ZNF507: variants seen among roughly 807,000 people sequenced by gnomAD.
The protein encoded by ZNF507 is zinc finger protein 507.
Under a neutral mutation model 80.0 loss-of-function variants are expected in ZNF507, and 29 were observed. The ratio of observed to expected loss-of-function variants is 0.36; its 90% CI spans 0.27 to 0.49. The LOEUF is 0.49. Ranked by LOEUF, ZNF507 falls within the 20% of genes least tolerant of loss-of-function variation. The probability of loss-of-function intolerance (pLI) is 0.98; values close to 1 mark genes in which losing one functional copy is unlikely to be tolerated. For missense variants in ZNF507, 1,081 were observed against 1,152.2 expected, an observed-to-expected ratio of 0.94 and a Z score of 0.90; for synonymous variants, 462 against 422.5, an observed-to-expected ratio of 1.09 and a Z score of -1.15.
At chr19:32,380,960 T>C (rs1427397284) in intron 5 of ZNF507, among the ~76,000 whole-genome samples, 1 of 152,130 alleles carries the variant, frequency 6.6e-6, no homozygotes, top group Admixed American at 6.5e-5. Context: ...TGCACATGAA[T>C]GTTCCTATCA....
chr19:32,357,071 A>C (rs1351334793), intron 4 of ZNF507: 2 of 209,702 alleles, frequency 9.5e-6, no homozygotes, highest in Non-Finnish European at 1.9e-5. Context: ...TCTCGGCACC[A>C]GTTGACCTAC....
At chr19:32,359,886 C>G (rs1408100756) in intron 4 of ZNF507, 2 of 150,992 alleles carry the variant, frequency 1.3e-5, no homozygotes, top group African/African-American at 4.9e-5. Context: ...AGGCCTTAGG[C>G]TTTTTTTTTG....
rs1967214934 is a variant in ZNF507 at position 32,354,162 on chromosome 19, T to A, written c.1332T>A (p.Ala444=). ...AAGGAATGGATGATGTTTATCGTGC[T>A]GATAAATGTACTGTTGATATTGGGG... The part of the protein sequence containing the change: ...GREGMDDVYR[A]DKCTVDIGGL... Residue 444 remains alanine (A), a synonymous_variant, in exon 3 of 7, where the codon GCT becomes GCA. Transcript: ENST00000355898. 7 of 1,613,266 alleles carry A rather than the reference T, an allele frequency of 4.3e-6. No individual in the cohort carries two copies. Among genetic ancestry groups the A allele is most frequent in the Non-Finnish European group, 3.4e-6 (4 of 1,180,034 alleles).
chr19:32,353,929 G>A lies in ZNF507; in HGVS notation c.1099G>A (p.Asp367Asn), dbSNP rs1462999941. 5 of 1,614,026 alleles carry A rather than the reference G, an allele frequency of 3.1e-6. No individual in the cohort carries two copies. The African/African-American group carries it at 5.3e-5, about 17-fold the overall frequency. ...GGAAGAAATGCTAGAAGTGATTTCTGATGCAGAGGAGAATCTGATTCCTGA... is the reference window on the plus strand; with the variant it reads ...GGAAGAAATGCTAGAAGTGATTTCTAATGCAGAGGAGAATCTGATTCCTGA... ...NEEEMLEVIS[D>N]AEENLIPDSL... Residue 367 changes from aspartate (D) to asparagine (N), a missense_variant, in exon 3 of 7, where the codon GAT becomes AAT. By Grantham distance (23) the Asp-to-Asn change is conservative. Coordinates refer to ENST00000355898, the MANE Select transcript of ZNF507 (RefSeq NM_001136156.2).
chr19:32,355,266 G>A (rs778946304), intron 3 of ZNF507, among the ~76,000 whole-genome samples: 5 of 152,090 alleles, frequency 3.3e-5, no homozygotes, highest in East Asian at 1.9e-4. Flanking sequence ...ATTGACATAC[G>A]TTTGACTTAA....
intron 4 of ZNF507, chr19:32,359,047 G>C (rs1286862190): frequency 6.6e-6 from 1 of 152,142 alleles, no homozygotes; most frequent in Admixed American, 6.5e-5. Context: ...AGTTTTATTA[G>C]TTGTCATTGA....
At chr19:32,350,950 A>C (rs906788962) in intron 2 of ZNF507, among the ~76,000 whole-genome samples, 1 of 152,252 alleles carries the variant, frequency 6.6e-6, no homozygotes, top group Non-Finnish European at 1.5e-5. Context: ...AAAGTGACTT[A>C]GGAAGTCACA....
Position 32,354,000 on chromosome 19 carries a change from T to G in ZNF507, c.1170T>G (p.Asn390Lys). ...AGAAAATCATCAGCAGCAGCCCCAA[T>G]AAAAAAGGGCATGTTAACGTGATAG... ...SAQKIISSSP[N>K]KKGHVNVIVE... is the part of the protein sequence containing the mutation. Residue 390 changes from asparagine (N) to lysine (K), a missense_variant, in exon 3 of 7, where the codon AAT (asparagine) becomes AAG (lysine). This residue lies in a region of ZNF507 where 614 missense variants were observed against 583.9 expected (regional missense o/e 1.05). Coordinates refer to ENST00000355898, the MANE Select transcript of ZNF507 (RefSeq NM_001136156.2). 6.2e-7 allele frequency: 1 copy of G among 1,613,948 alleles called. No homozygotes were observed. Among genetic ancestry groups the G allele is most frequent in the Non-Finnish European group, 8.5e-7 (1 of 1,179,980 alleles).
At position 32,353,543 on chromosome 19, in the gene ZNF507, A is replaced by G. The variant is rs1288881480; in HGVS notation, c.713A>G (p.Lys238Arg). The G allele has an allele frequency of 6.2e-7, 1 of 1,614,076 alleles. No homozygotes were observed. Among genetic ancestry groups the G allele is most frequent in the Non-Finnish European group, 8.5e-7 (1 of 1,180,042 alleles). Residue 238 changes from lysine (K) to arginine (R), a missense_variant, in exon 3 of 7, where the codon AAA becomes AGA. By Grantham distance (26) the Lys-to-Arg change is conservative. Transcript: ENST00000355898. ...TASVAEMGRR[K>R]WYAYEQYGMY... ...TCTGTGGCAGAAATGGGTAGGAGGA[A>G]ATGGTATGCATACGAACAGTACGGC...
At position 32,352,887 on chromosome 19, in the gene ZNF507, T is replaced by A; in HGVS notation, c.57T>A (p.Ala19=). ...MLVPDIGEQE[A]ILTAESIISP... is the part of the protein sequence containing the mutation. ...TGCCAGATATTGGGGAACAGGAAGCTATACTGACTGCTGAAAGTATCATCA... is the reference window on the plus strand; with the variant it reads ...TGCCAGATATTGGGGAACAGGAAGCAATACTGACTGCTGAAAGTATCATCA... The change falls in exon 3 of 7, where the codon GCT becomes GCA. Residue 19 remains alanine (A), a synonymous_variant. Transcript: ENST00000355898. 6.2e-7 allele frequency: 1 copy of A among 1,611,046 alleles called. No individual in the cohort carries two copies. The highest frequency in any genetic ancestry group is 2.2e-5 in the East Asian group (1 of 44,880).
At chr19:32,374,169 A>AACACACACACACACACACACACACACAC (rs56820529) in intron 5 of ZNF507, among the ~76,000 whole-genome samples, 9 of 149,786 alleles carry the variant, frequency 6.0e-5, no homozygotes, top group African/African-American at 2.2e-4. Context: ...CAAAGCAAGG[A>AACACACACACACACACACACACACACAC]ACACACACAC....
chr19:32,371,008 G>T (rs958245916), intron 5 of ZNF507, among the ~76,000 whole-genome samples: 6 of 152,012 alleles, frequency 3.9e-5, no homozygotes, highest in Admixed American at 3.9e-4. Context: ...ATGTCCTCTT[G>T]GTGCCCTTGT....
At chr19:32,382,406 G>T in intron 5 of ZNF507, 61 bp from the exon 6 acceptor site, 1 of 1,582,894 alleles carries the variant, frequency 6.3e-7, no homozygotes, top group Non-Finnish European at 8.6e-7. Flanking sequence ...ACAGAATCAT[G>T]ATAATTTTTC....
At position 32,353,398 on chromosome 19, in the gene ZNF507, G is replaced by T. The variant is rs184075584; in HGVS notation, c.568G>T (p.Ala190Ser). The T allele has an allele frequency of 3.1e-6, 5 of 1,614,142 alleles. No individual in the cohort carries two copies. The East Asian group carries it at 1.1e-4, about 36-fold the overall frequency. The change falls in exon 3 of 7, where the codon GCC becomes TCC. Residue 190 changes from alanine (A) to serine (S), a missense_variant. Coordinates refer to ENST00000355898, the MANE Select transcript of ZNF507 (RefSeq NM_001136156.2). The part of the protein sequence containing the change: ...NDANIHTQSK[A>S]QQCVSPSSSL... The stretch of plus-strand genomic sequence containing the variant: ...TGCCAATATCCACACCCAATCCAAA[G>T]CCCAACAGTGCGTAAGCCCCTCCAG...
intron 5 of ZNF507, chr19:32,380,745 CTGAG>C (rs1304914129): frequency 3.3e-6 from 3 of 917,132 alleles, no homozygotes; most frequent in Non-Finnish European, 5.1e-6. Flanking sequence ...AATTATGCTC[CTGAG>C]TGTTTGCCCA....
intron 1 of ZNF507, 71 bp downstream of exon 1, chr19:32,345,854 G>C (rs1967089551): frequency 6.6e-6 from 1 of 152,464 alleles, no homozygotes; most frequent in Non-Finnish European, 1.5e-5. Context: ...CCTCCCCTCA[G>C]GCCTCTGCCG....
Position 32,354,349 on chromosome 19 carries a change from G to A in ZNF507, c.1519G>A (p.Ala507Thr). Residue 507 changes from alanine (A) to threonine (T), a missense_variant, in exon 3 of 7, where the codon GCT becomes ACT. By Grantham distance (58) the Ala-to-Thr change is moderately conservative. This residue lies in a region of ZNF507 where 614 missense variants were observed against 583.9 expected (regional missense o/e 1.05). Transcript: ENST00000355898. ...AEALVTMPIR[A>T]AELTRANLGH... Reference sequence around the variant, plus strand: ...AGCCCTTGTCACAATGCCTATAAGAGCTGCAGAGTTGACAAGAGCCAACCT... The same window carrying A: ...AGCCCTTGTCACAATGCCTATAAGAACTGCAGAGTTGACAAGAGCCAACCT... 6.2e-7 allele frequency: 1 copy of A among 1,614,154 alleles called. No individual in the cohort carries two copies. The highest frequency in any genetic ancestry group is 1.1e-5 in the South Asian group (1 of 91,084).
chr19:32,354,253 G>A lies in ZNF507; in HGVS notation c.1423G>A (p.Asp475Asn). ...DELMNKGLAT[D>N]ENAPPGRRRT... The stretch of plus-strand genomic sequence containing the variant: ...GTTAATGAATAAAGGCCTGGCTACT[G>A]ATGAGAATGCCCCACCAGGCCGGAG... Residue 475 changes from aspartate (D) to asparagine (N), a missense_variant, in exon 3 of 7, where the codon GAT (aspartate) becomes AAT (asparagine). Asp to Asn is a conservative substitution (Grantham distance 23). Around this residue, in one of 6 missense-constraint regions of ZNF507, gnomAD observed 614 missense variants for 583.9 expected, o/e 1.05. Transcript: ENST00000355898. The A allele has an allele frequency of 6.2e-7, 1 of 1,614,136 alleles. No homozygotes were observed. The highest frequency in any genetic ancestry group is 8.5e-7 in the Non-Finnish European group (1 of 1,180,034).
At chr19:32,355,216 G>A (rs1378962611) in intron 3 of ZNF507, among the ~76,000 whole-genome samples, 1 of 152,184 alleles carries the variant, frequency 6.6e-6, no homozygotes, top group Non-Finnish European at 1.5e-5. Flanking sequence ...TTAAAGTGTT[G>A]ATTTTCTGTT....
Sources: allele counts gnomAD v4.1 joint callset (sites outside exome capture counted in the v4.1 genomes callset), GRCh38; gene constraint gnomAD v4.1.1; regional missense constraint gnomAD v4.1.1; transcripts MANE v1.5; gene names NCBI Gene and HGNC (gene_info 2026-07-23, HGNC 2026-07-21).